The following RALYL variants were observed in gnomAD, a reference collection of about 807,000 sequenced individuals.
RALYL encodes RALY RNA binding protein like.
A neutral mutation model predicts 35.1 loss-of-function variants in RALYL; 29 were observed. The observed-to-expected ratio is 0.83, with a 90% CI of 0.61 to 1.13. The LOEUF (loss-of-function observed/expected upper bound fraction) is 1.13, where lower values mean the gene tolerates loss of function less well. Among genes scored for constraint, RALYL ranks in the 50% most tolerant of loss-of-function variants. RALYL has a pLI of 0.00. For synonymous variants in RALYL, 120 were observed against 127.6 expected (o/e 0.94, Z 0.40); for missense variants, 359 against 360.4 (o/e 1.00, Z 0.03).
At position 84,585,392 on chromosome 8, in the gene RALYL, T is replaced by C. The variant is rs1435633225; in HGVS notation, c.256+55815T>C. 2.0e-5 allele frequency among the ~76,000 whole-genome samples: 3 copies of C among 152,160 alleles called. No individual in the cohort carries two copies. The East Asian group carries it at 5.8e-4, about 29-fold the overall frequency. On this transcript the variant is annotated intron_variant, in intron 2 of 8. Coordinates refer to ENST00000521268, the MANE Select transcript of RALYL (RefSeq NM_173848.7). Reference sequence around the variant, plus strand: ...ATTAATAAATATAAATTGTCAACATTATTAATATTTATTACTGATTCATAG... The same window carrying C: ...ATTAATAAATATAAATTGTCAACATCATTAATATTTATTACTGATTCATAG...
At chr8:84,447,524 G>T (rs569139324) in intron 1 of RALYL, among the ~76,000 whole-genome samples, 1 of 152,040 alleles carries the variant, frequency 6.6e-6, no homozygotes, top group Non-Finnish European at 1.5e-5. Flanking sequence ...ATTTGTTTGA[G>T]AGAGTAAATC....
chr8:84,600,436 A>C (rs1358295552), intron 2 of RALYL, among the ~76,000 whole-genome samples: 1 of 152,104 alleles, frequency 6.6e-6, no homozygotes, highest in Non-Finnish European at 1.5e-5. Flanking sequence ...TCTTGTGACC[A>C]TCCACTTTCT....
At chr8:84,813,918 G>A (rs1398104814) in intron 4 of RALYL, among the ~76,000 whole-genome samples, 6 of 112,388 alleles carry the variant, frequency 5.3e-5, no homozygotes, top group Admixed American at 1.1e-4. Flanking sequence ...CCCCACGACA[G>A]GCCCCAGTGT....
In RALYL at chr8:84,900,660, C is replaced by T. The variant is rs147708398; in HGVS notation, c.858+12884C>T. On this transcript the variant is annotated intron_variant, in intron 8 of 8. Transcript: ENST00000521268. ...CACCACTGTACTCCAGCCTGGGCAA[C>T]AAGAGCGAAAGTTTGTCTTAAAAAA... Among the ~76,000 whole-genome samples, 6 of 151,094 alleles carry T rather than the reference C, an allele frequency of 4.0e-5. No homozygotes were observed. In the East Asian group the frequency reaches 1.2e-3, roughly 29 times the overall value.
chr8:84,201,511 G>A (rs181025026), intron 1 of RALYL, among the ~76,000 whole-genome samples: 129 of 151,820 alleles, frequency 8.5e-4, no homozygotes, highest in Non-Finnish European at 1.6e-3. Context: ...TTTAGGAAAT[G>A]GTATTAGTTA....
intron 2 of RALYL, among the ~76,000 whole-genome samples, chr8:84,755,772 A>C (rs756502629): frequency 6.6e-5 from 10 of 152,054 alleles, no homozygotes; most frequent in Non-Finnish European, 1.5e-4. Context: ...TTCTAATTCT[A>C]CAATATTGTG....
intron 1 of RALYL, among the ~76,000 whole-genome samples, chr8:84,510,986 A>G (rs1274118203): frequency 6.6e-6 from 1 of 152,210 alleles, no homozygotes. Flanking sequence ...ATCATTTATT[A>G]TAGTCATCCT....
chr8:84,851,943 A>G (rs919303349), intron 5 of RALYL, among the ~76,000 whole-genome samples: 7 of 152,200 alleles, frequency 4.6e-5, no homozygotes, highest in African/African-American at 1.7e-4. Context: ...CCACCTGAAC[A>G]ATGTTCAGTT....
intron 2 of RALYL, among the ~76,000 whole-genome samples, chr8:84,585,386 C>T (rs934895656): frequency 6.6e-6 from 1 of 151,958 alleles, no homozygotes; most frequent in Non-Finnish European, 1.5e-5. Flanking sequence ...TATAAATTGT[C>T]AACATTATTA....
At chr8:84,571,002 T>C (rs1807835900) in intron 2 of RALYL, among the ~76,000 whole-genome samples, 1 of 151,918 alleles carries the variant, frequency 6.6e-6, no homozygotes, top group Non-Finnish European at 1.5e-5. Context: ...TTGAGGAGTT[T>C]TGCATCTAGG....
chr8:84,917,814 C>T (rs1411530840), intron 8 of RALYL, among the ~76,000 whole-genome samples: 2 of 151,808 alleles, frequency 1.3e-5, no homozygotes, highest in Non-Finnish European at 2.9e-5. Context: ...TAATTTGGTT[C>T]CTAAGAGTTT....
At chr8:84,384,728 T>C (rs962485976) in intron 1 of RALYL, among the ~76,000 whole-genome samples, 1 of 151,780 alleles carries the variant, frequency 6.6e-6, no homozygotes, top group African/African-American at 2.4e-5. Flanking sequence ...AGCACCATCC[T>C]TCGCTCTGTG....
intron 2 of RALYL, among the ~76,000 whole-genome samples, chr8:84,696,421 A>G (rs766623411): frequency 6.6e-6 from 1 of 151,862 alleles, no homozygotes; most frequent in Non-Finnish European, 1.5e-5. Flanking sequence ...TCTTTGTTAT[A>G]CTATTTTCCT....
chr8:84,644,310 G>A (rs1288194219), intron 2 of RALYL, among the ~76,000 whole-genome samples: 1 of 151,884 alleles, frequency 6.6e-6, no homozygotes, highest in East Asian at 1.9e-4. Context: ...TAACAAAACA[G>A]GTTAAATTTA....
chr8:84,426,837 A>G (rs956114560), intron 1 of RALYL, among the ~76,000 whole-genome samples: 1 of 152,108 alleles, frequency 6.6e-6, no homozygotes, highest in South Asian at 2.1e-4. Context: ...GGAAAAGGGA[A>G]CTCTTGCATG....
chr8:84,185,376 A>G (rs1812263641), intron 1 of RALYL: 1 of 266,218 alleles, frequency 3.8e-6, no homozygotes, highest in African/African-American at 2.2e-5. Context: ...AGAGGTGATG[A>G]TTTCGTGTGT....
At chr8:84,208,453 T>A (rs1563533965) in intron 1 of RALYL, among the ~76,000 whole-genome samples, 2 of 152,190 alleles carry the variant, frequency 1.3e-5, no homozygotes, top group East Asian at 1.9e-4. Flanking sequence ...AATTTTTTTT[T>A]AACTAATCAG....
At chr8:84,645,429 A>G (rs1318740230) in intron 2 of RALYL, among the ~76,000 whole-genome samples, 1 of 151,868 alleles carries the variant, frequency 6.6e-6, no homozygotes, top group African/African-American at 2.4e-5. Flanking sequence ...AATTTTTACA[A>G]TCTCTTCTGT....
intron 2 of RALYL, among the ~76,000 whole-genome samples, chr8:84,641,165 G>A (rs985316549): frequency 2.7e-5 from 4 of 149,786 alleles, no homozygotes; most frequent in African/African-American, 7.3e-5. Context: ...ATTTTATATT[G>A]ATAACTTTCT....
Sources: allele counts gnomAD v4.1 joint callset (sites outside exome capture counted in the v4.1 genomes callset), GRCh38; gene constraint gnomAD v4.1.1; transcripts MANE v1.5; gene names NCBI Gene and HGNC (gene_info 2026-07-23, HGNC 2026-07-21).